Variants in WASF3 observed in about 807,000 individuals in gnomAD.
WASF3 encodes the protein WASP family member 3, also known as actin-binding protein WASF3.
Under a neutral mutation model 46.6 loss-of-function variants are expected in WASF3, and 11 were observed. The observed-to-expected ratio is 0.24, with a 90% CI of 0.15 to 0.39. The LOEUF (loss-of-function observed/expected upper bound fraction) is 0.39. WASF3 is among the 10% of genes least tolerant of loss of function. The probability of loss-of-function intolerance (pLI) is 1.00; values close to 1 mark genes in which losing one functional copy is unlikely to be tolerated. For missense variants in WASF3, 576 were observed against 669.8 expected, an observed-to-expected ratio of 0.86 and a Z score of 1.55; for synonymous variants, 242 against 259.7, an observed-to-expected ratio of 0.93 and a Z score of 0.65.
intron 1 of WASF3, among the ~76,000 whole-genome samples, chr13:26,582,358 G>C (rs1409823061): frequency 6.6e-6 from 1 of 151,902 alleles, no homozygotes; most frequent in African/African-American, 2.4e-5. Flanking sequence ...CTTAACTTCT[G>C]TGATCCTTGA....
intron 6 of WASF3, among the ~76,000 whole-genome samples, chr13:26,676,282 G>A (rs1883066528): frequency 6.6e-6 from 1 of 152,204 alleles, no homozygotes; most frequent in African/African-American, 2.4e-5. Context: ...GCATATTCAA[G>A]TGAAAGTTTT....
intron 1 of WASF3, among the ~76,000 whole-genome samples, chr13:26,587,854 A>G (rs1274979379): frequency 6.6e-6 from 1 of 152,222 alleles, no homozygotes; most frequent in Non-Finnish European, 1.5e-5. Context: ...CTATTAAATT[A>G]AAATGAGTTT....
intron 1 of WASF3, among the ~76,000 whole-genome samples, chr13:26,571,835 C>G (rs1418695659): frequency 6.6e-6 from 1 of 152,208 alleles, no homozygotes; most frequent in Non-Finnish European, 1.5e-5. Flanking sequence ...GTTGTGATGT[C>G]TTAGCCAAGA....
In WASF3 at chr13:26,679,540, C is replaced by T. The variant is rs933832602; in HGVS notation, c.717-1514C>T. 6.6e-6 allele frequency among the ~76,000 whole-genome samples: 1 copy of T among 152,108 alleles called. No individual in the cohort carries two copies. The highest frequency in any genetic ancestry group is 1.5e-5 in the Non-Finnish European group (1 of 68,028). On this transcript the variant is annotated intron_variant, in intron 7 of 9. Coordinates refer to ENST00000335327, the MANE Select transcript of WASF3 (RefSeq NM_006646.6). This position sits in a 1 kb window ranked among gnomAD's most constrained non-coding sequence, Gnocchi z 4.8. ...ATGCCACAGTATTTATAGTTTCCTA[C>T]CCTCATCTCATCAGAAAGCTGTCCA... is the stretch of plus-strand genomic sequence containing the variant.
rs1305816166 is a variant in WASF3, at chr13:26,575,570, C to A, written c.-109+17751C>A. Among the ~76,000 whole-genome samples, 4 of 152,186 alleles carry A rather than the reference C, an allele frequency of 2.6e-5. No homozygotes were observed. The East Asian group carries it at 5.8e-4, about 22-fold the overall frequency. On this transcript the variant is annotated intron_variant, in intron 1 of 9. Transcript: ENST00000335327. Reference sequence around the variant, plus strand: ...GTTAGCCTGTGGTCCAGATGATGAACCTGGGTTGAGAAAGGGATTAGAACC... The same window carrying A: ...GTTAGCCTGTGGTCCAGATGATGAAACTGGGTTGAGAAAGGGATTAGAACC...
intron 1 of WASF3, among the ~76,000 whole-genome samples, chr13:26,568,061 T>C (rs1472728336): frequency 6.6e-6 from 1 of 150,570 alleles, no homozygotes; most frequent in African/African-American, 2.4e-5. Context: ...GAATAGGGGG[T>C]TGGGTAGGGG....
chr13:26,624,390 G>T (rs1881403188), intron 2 of WASF3, among the ~76,000 whole-genome samples: 1 of 152,072 alleles, frequency 6.6e-6, no homozygotes, highest in Non-Finnish European at 1.5e-5. Flanking sequence ...TGAAACAAAA[G>T]AAGAAACAAG....
chr13:26,642,508 A>G, intron 3 of WASF3, 105 bp downstream of exon 3: 1 of 1,342,562 alleles, frequency 7.4e-7, no homozygotes, highest in Non-Finnish European at 1.0e-6. Flanking sequence ...CTTTAAGGAA[A>G]AGATCCTTTC....
Position 26,685,680 on chromosome 13 carries a change from G to T in WASF3, c.1352-8G>T, listed in dbSNP as rs1883380616. On this transcript the variant is annotated splice_polypyrimidine_tract_variant and splice_region_variant and intron_variant, in intron 9 of 9. Transcript: ENST00000335327. ...GATGTGATTCTGAACCACGTGTTGT[G>T]TCTGCAGGAATTCAACTGAAAAAGG... is the stretch of plus-strand genomic sequence containing the variant. 2 of 1,613,858 alleles carry T rather than the reference G, an allele frequency of 1.2e-6. No individual in the cohort carries two copies. The highest frequency in any genetic ancestry group is 1.3e-5 in the African/African-American group (1 of 75,032).
At chr13:26,584,828 C>T (rs551928432) in intron 1 of WASF3, among the ~76,000 whole-genome samples, 2 of 152,232 alleles carry the variant, frequency 1.3e-5, no homozygotes, top group East Asian at 1.9e-4. Flanking sequence ...CAGTATTGCC[C>T]TATAGATTGA....
At chr13:26,680,118 A>T in intron 7 of WASF3, 3 of 1,598,364 alleles carry the variant, frequency 1.9e-6, no homozygotes, top group Non-Finnish European at 2.5e-6. Context: ...AGTGGGAGAG[A>T]AGGAAAATGG....
intron 1 of WASF3, among the ~76,000 whole-genome samples, chr13:26,590,360 T>G (rs1205169763): frequency 6.6e-6 from 1 of 152,190 alleles, no homozygotes; most frequent in Non-Finnish European, 1.5e-5. Flanking sequence ...TTAACTCCAG[T>G]AATAGTTTTG....
intron 1 of WASF3, among the ~76,000 whole-genome samples, chr13:26,575,453 G>A (rs796500256): frequency 3.1e-4 from 47 of 152,214 alleles, no homozygotes; most frequent in African/African-American, 1.0e-3. Flanking sequence ...GCTCAAGCCC[G>A]GATGTTCCAT....
chr13:26,553,888 T>G (rs1280915314), upstream of WASF3, among the ~76,000 whole-genome samples: 3 of 152,006 alleles, frequency 2.0e-5, no homozygotes, highest in Non-Finnish European at 4.4e-5. Context: ...TGTAATTGGA[T>G]AAAGGTATAT....
intron 5 of WASF3, among the ~76,000 whole-genome samples, chr13:26,669,063 C>A (rs1566069380): frequency 6.6e-6 from 1 of 151,988 alleles, no homozygotes; most frequent in South Asian, 2.1e-4. Flanking sequence ...ACCCAATGAA[C>A]CACTACATTG....
chr13:26,639,487 A>G (rs1265820714), intron 2 of WASF3, among the ~76,000 whole-genome samples: 1 of 152,170 alleles, frequency 6.6e-6, no homozygotes, highest in Non-Finnish European at 1.5e-5. Flanking sequence ...GGAACACAGA[A>G]TTCATGGACT....
At position 26,680,362 on chromosome 13, in the gene WASF3, T is replaced by G. The variant is rs558890800; in HGVS notation, c.717-692T>G. 1.1e-4 allele frequency among the ~76,000 whole-genome samples: 17 copies of G among 152,298 alleles called. 1 individual carries two copies. The South Asian group carries it at 3.3e-3, about 30-fold the overall frequency. On this transcript the variant is annotated intron_variant, in intron 7 of 9. Coordinates refer to ENST00000335327, the MANE Select transcript of WASF3 (RefSeq NM_006646.6). ...CACGGCACTGCCGGGCTGCCACACT[T>G]GGGTCCTTCCTCTCCTCCTGAGGGC...
chr13:26,667,394 AC>A (rs1854687361), intron 4 of WASF3, 122 bp from the exon 5 acceptor site: 1 of 830,646 alleles, frequency 1.2e-6, no homozygotes, highest in South Asian at 2.4e-5. Context: ...TTTTAAATGG[AC>A]AATAAAAAAT....
chr13:26,608,406 C>T (rs1010785379), intron 1 of WASF3, among the ~76,000 whole-genome samples: 3 of 152,162 alleles, frequency 2.0e-5, no homozygotes, highest in African/African-American at 7.2e-5. Flanking sequence ...TTAAAATGCA[C>T]CTAGCTGAGA....
Sources: allele counts gnomAD v4.1 joint callset (sites outside exome capture counted in the v4.1 genomes callset), GRCh38; gene constraint gnomAD v4.1.1; non-coding constraint Gnocchi (gnomAD v3.1); transcripts MANE v1.5; gene names NCBI Gene and HGNC (gene_info 2026-07-23, HGNC 2026-07-21).